The following TMEM45A variants were observed in gnomAD, a reference collection of about 807,000 sequenced individuals.
TMEM45A encodes DNA polymerase-transactivated protein 4.
A neutral mutation model predicts 32.0 loss-of-function variants in TMEM45A; 25 were observed. The observed-to-expected ratio is 0.78, with a 90% confidence interval of 0.57 to 1.09. TMEM45A has a LOEUF of 1.09. TMEM45A is among the 50% of genes least tolerant of loss of function. TMEM45A has a pLI of 0.00. For missense variants in TMEM45A, 302 were observed against 325.0 expected, an observed-to-expected ratio of 0.93 and a Z score of 0.54; for synonymous variants, 122 against 114.8, an observed-to-expected ratio of 1.06 and a Z score of -0.40.
intron 1 of TMEM45A, among the ~76,000 whole-genome samples, chr3:100,520,783 G>C (rs1312601798): frequency 6.6e-6 from 1 of 152,166 alleles, no homozygotes; most frequent in Non-Finnish European, 1.5e-5. Context: ...ACCCAACATA[G>C]TGAAAGGAGA....
At chr3:100,534,019 C>A (rs1027102934) in intron 1 of TMEM45A, among the ~76,000 whole-genome samples, 2 of 152,138 alleles carry the variant, frequency 1.3e-5, no homozygotes, top group Non-Finnish European at 2.9e-5. Flanking sequence ...TTTTTATGAG[C>A]TGTTCAAGCC....
At chr3:100,505,211 C>G (rs1359652377) in intron 1 of TMEM45A, among the ~76,000 whole-genome samples, 1 of 152,078 alleles carries the variant, frequency 6.6e-6, no homozygotes, top group Non-Finnish European at 1.5e-5. Flanking sequence ...TGTGGAGGCA[C>G]CCGGGAGAGA....
intron 1 of TMEM45A, among the ~76,000 whole-genome samples, chr3:100,511,221 G>T (rs1005186863): frequency 1.3e-5 from 2 of 152,180 alleles, no homozygotes; most frequent in Non-Finnish European, 2.9e-5. Flanking sequence ...GGCAGCCAGA[G>T]AGAAAGGTTG....
intron 1 of TMEM45A, among the ~76,000 whole-genome samples, chr3:100,512,256 G>C (rs1340186448): frequency 3.9e-5 from 6 of 152,138 alleles, no homozygotes; most frequent in African/African-American, 1.4e-4. Flanking sequence ...TAAAAGAACA[G>C]AAATTATAAC....
chr3:100,506,160 A>T (rs1708077250), intron 1 of TMEM45A, among the ~76,000 whole-genome samples: 1 of 152,236 alleles, frequency 6.6e-6, no homozygotes, highest in Non-Finnish European at 1.5e-5. Flanking sequence ...TTCCAGCCAG[A>T]CTGGGAAACC....
intron 1 of TMEM45A, among the ~76,000 whole-genome samples, chr3:100,494,003 A>G (rs1247724178): frequency 6.6e-6 from 1 of 152,212 alleles, no homozygotes; most frequent in South Asian, 2.1e-4. Context: ...AAGTGCTGGG[A>G]TTACAGATGT....
chr3:100,522,174 T>C (rs1705448682), intron 1 of TMEM45A, among the ~76,000 whole-genome samples: 1 of 152,100 alleles, frequency 6.6e-6, no homozygotes, highest in African/African-American at 2.4e-5. Context: ...GTGAAGCTAC[T>C]CTAAGGAGTA....
rs368349115 is a variant in TMEM45A at position 100,516,314 on chromosome 3, GTGTTGCTGGTTT to G, written c.-4+23388_-4+23399del. On this transcript the variant is annotated intron_variant, in intron 1 of 5. Coordinates refer to ENST00000323523, the MANE Select transcript of TMEM45A (RefSeq NM_018004.3). ...ATCTAATTGATGTTAATTGTGATAA[GTGTTGCTGGTTT>G]TACTTTTGGCTTCATACATAGTGAC... is the stretch of plus-strand genomic sequence containing the variant. Among the ~76,000 whole-genome samples, 284 of 152,306 alleles carry G rather than the reference GTGTTGCTGGTTT, an allele frequency of 1.9e-3. 3 individuals are homozygous for G. Among genetic ancestry groups the G allele is most frequent in the African/African-American group, 6.5e-3 (272 of 41,572 alleles).
intron 1 of TMEM45A, among the ~76,000 whole-genome samples, chr3:100,547,040 C>A (rs917493809): frequency 6.6e-6 from 1 of 152,282 alleles, no homozygotes; most frequent in African/African-American, 2.4e-5. Context: ...TTACTTCCCC[C>A]AAACTTGACT....
rs577622442 is a variant in TMEM45A at position 100,513,242 on chromosome 3, C to T, written c.-4+20314C>T. 1.0e-3 allele frequency among the ~76,000 whole-genome samples: 155 copies of T among 152,014 alleles called. 1 individual carries two copies. Among genetic ancestry groups the T allele is most frequent in the African/African-American group, 3.5e-3 (144 of 41,388 alleles). Reference sequence around the variant, plus strand: ...AAATCCTCAATAAAATACTGGCAAACCGAATCCAGCAGCACATCTAAAAGC... The same window carrying T: ...AAATCCTCAATAAAATACTGGCAAATCGAATCCAGCAGCACATCTAAAAGC... On this transcript the variant is annotated intron_variant, in intron 1 of 5. Transcript: ENST00000323523.
chr3:100,536,105 G>A (rs1331696455), intron 1 of TMEM45A, among the ~76,000 whole-genome samples: 1 of 152,170 alleles, frequency 6.6e-6, no homozygotes, highest in African/African-American at 2.4e-5. Context: ...CCAGCATCTC[G>A]TAGTTAGAAG....
At chr3:100,547,568 G>T (rs1053270090) in intron 1 of TMEM45A, among the ~76,000 whole-genome samples, 3 of 151,878 alleles carry the variant, frequency 2.0e-5, no homozygotes, top group African/African-American at 7.3e-5. Flanking sequence ...TGTTGAATAG[G>T]CTGAGGAGGA....
At chr3:100,531,674 T>A (rs1421049215) in intron 1 of TMEM45A, among the ~76,000 whole-genome samples, 1 of 152,234 alleles carries the variant, frequency 6.6e-6, no homozygotes, top group Non-Finnish European at 1.5e-5. Context: ...GGGCTTAATA[T>A]GCCAAATAAC....
chr3:100,522,345 A>G (rs955947401), intron 1 of TMEM45A, among the ~76,000 whole-genome samples: 2 of 152,102 alleles, frequency 1.3e-5, no homozygotes, highest in Admixed American at 6.6e-5. Flanking sequence ...ACCTTTGTTG[A>G]CAGTCTGGCA....
chr3:100,549,550 G>T (rs1177734577), intron 1 of TMEM45A, among the ~76,000 whole-genome samples: 1 of 152,214 alleles, frequency 6.6e-6, no homozygotes, highest in Non-Finnish European at 1.5e-5. Flanking sequence ...TGGACAGGGA[G>T]GCTGGAGGTT....
At position 100,556,822 on chromosome 3, in the gene TMEM45A, G is replaced by T. The variant is rs1391293665; in HGVS notation, c.253G>T (p.Gly85Cys). 6.2e-7 allele frequency: 1 copy of T among 1,613,998 alleles called. No homozygotes were observed. The highest frequency in any genetic ancestry group is 1.3e-5 in the African/African-American group (1 of 74,912). Residue 85 changes from glycine (G) to cysteine (C), a missense_variant, in exon 3 of 6, where the codon GGT becomes TGT. By Grantham distance (159) the Gly-to-Cys change is radical. Coordinates refer to ENST00000323523, the MANE Select transcript of TMEM45A (RefSeq NM_018004.3). ...TCTGATGTTATATGACTATAAACAA[G>T]GTCACTGGAATCAACTCCTGGGCTG... ...PHLMLYDYKQ[G>C]HWNQLLGWHH...
chr3:100,499,862 C>G (rs1707986859), intron 1 of TMEM45A, among the ~76,000 whole-genome samples: 1 of 152,070 alleles, frequency 6.6e-6, no homozygotes, highest in South Asian at 2.1e-4. Context: ...GGCAACAGAA[C>G]AAGACAAACA....
At chr3:100,545,888 A>G (rs1705970496) in intron 1 of TMEM45A, among the ~76,000 whole-genome samples, 1 of 152,184 alleles carries the variant, frequency 6.6e-6, no homozygotes, top group African/African-American at 2.4e-5. Flanking sequence ...ACTTGTGAAT[A>G]TATTACCTTA....
chr3:100,549,974 G>A (rs994664470), intron 1 of TMEM45A, among the ~76,000 whole-genome samples: 3 of 143,128 alleles, frequency 2.1e-5, no homozygotes, highest in African/African-American at 7.8e-5. Flanking sequence ...ATCGTTGTTG[G>A]ACATTTGGGT....
Sources: gnomAD v4.1 joint callset for allele counts (sites outside exome capture counted in the v4.1 genomes callset) on GRCh38, gnomAD v4.1.1 for gene constraint, MANE v1.5 for transcripts, NCBI Gene and HGNC (gene_info 2026-07-23, HGNC 2026-07-21) for gene names.